The following ENTPD5 variants were observed in gnomAD, a reference collection of about 807,000 sequenced individuals.
ENTPD5 encodes nucleoside diphosphate phosphatase ENTPD5.
Under a neutral mutation model 60.2 loss-of-function variants are expected in ENTPD5, and 49 were observed. That is an observed-to-expected ratio of 0.81 (90% CI 0.65 to 1.03). ENTPD5 has a LOEUF of 1.03. ENTPD5 is among the 50% of genes least tolerant of loss of function. The pLI is 0.00. For synonymous variants in ENTPD5, 187 were observed against 185.4 expected (o/e 1.01, Z -0.07); for missense variants, 480 against 507.6 (o/e 0.95, Z 0.52).
chr14:73,980,511 G>A (rs922587855), intron 6 of ENTPD5, among the ~76,000 whole-genome samples: 6 of 152,094 alleles, frequency 3.9e-5, no homozygotes, highest in South Asian at 2.1e-4. Context: ...TGATCTGCCC[G>A]CCTTGGCCTC....
rs1476395685 is a variant in ENTPD5 at position 73,977,341 on chromosome 14, C to T, written c.475G>A (p.Val159Ile). The T allele has an allele frequency of 6.2e-7, 1 of 1,609,246 alleles. No individual in the cohort carries two copies. Among genetic ancestry groups the T allele is most frequent in the Non-Finnish European group, 8.5e-7 (1 of 1,178,598 alleles). ...KEIFRKSPFL[V>I]PKGSVSIMDG... is the part of the protein sequence containing the mutation. Reference sequence around the variant, plus strand: ...ATGATGCTAACACTGCCCTTTGGTACCAGGAAAGGTGACTTCCTGAAGATC... The same window carrying T: ...ATGATGCTAACACTGCCCTTTGGTATCAGGAAAGGTGACTTCCTGAAGATC... Residue 159 changes from valine to isoleucine, a missense_variant, in exon 7 of 16, where the codon GTA (valine) becomes ATA (isoleucine). Transcript: ENST00000334696.
At chr14:73,961,729 C>A, downstream of ENTPD5, 1 of 1,614,052 alleles carries the variant, frequency 6.2e-7, no homozygotes, top group Non-Finnish European at 8.5e-7. Context: ...CTTTCCTCTG[C>A]CCTTCAGGTT....
intron 3 of ENTPD5, among the ~76,000 whole-genome samples, chr14:73,993,011 T>C (rs1205403600): frequency 6.6e-6 from 1 of 151,916 alleles, no homozygotes; most frequent in Non-Finnish European, 1.5e-5. Flanking sequence ...TCAAAATAAA[T>C]ACATAAAACA....
chr14:73,982,907 G>A, intron 6 of ENTPD5, 111 bp downstream of exon 6: 1 of 1,059,772 alleles, frequency 9.4e-7, no homozygotes. Context: ...CAATGCTTTG[G>A]CAGTGGTGGA....
chr14:74,002,622 C>T (rs1204592426), intron 3 of ENTPD5, among the ~76,000 whole-genome samples: 2 of 152,080 alleles, frequency 1.3e-5, no homozygotes, highest in East Asian at 1.9e-4. Context: ...TTCCAGAATC[C>T]GACCATTTCT....
chr14:73,967,024 A>G lies in ENTPD5; in HGVS notation c.1201-10T>C. 6.2e-7 allele frequency: 1 copy of G among 1,612,298 alleles called. No individual in the cohort carries two copies. Among genetic ancestry groups the G allele is most frequent in the East Asian group, 2.2e-5 (1 of 44,872 alleles). ...TCACTTTCTTTGTGAGCTGTTGAGA[A>G]GAAAAAAAGTCTTCACCTTTTCATC... On this transcript the variant is annotated splice_polypyrimidine_tract_variant and intron_variant, in intron 15 of 15. Transcript: ENST00000334696.
chr14:73,965,248 C>G lies in ENTPD5; in HGVS notation c.*1680G>C, dbSNP rs963654094. On this transcript the variant is annotated 3_prime_UTR_variant, in exon 16 of 16. Coordinates refer to ENST00000334696, the MANE Select transcript of ENTPD5 (RefSeq NM_001249.5). ...ATGGACTGTGTGAGGGCCAGGCATA[C>G]TTAACATCCTTTGTGAGAGAGAGGA... 27 of 152,202 alleles carry G rather than the reference C, an allele frequency of 1.8e-4. No homozygotes were observed. The highest frequency in any genetic ancestry group is 6.5e-4 in the African/African-American group (27 of 41,478). 9.4% of individuals were successfully genotyped at this position (152,202 alleles called of 1,614,324 possible). A position where few individuals can be genotyped will look rare whatever the true frequency, so the allele number is the denominator to read the frequency against.
chr14:73,961,372 T>C (rs747211443), downstream of ENTPD5: 23 of 1,614,080 alleles, frequency 1.4e-5, no homozygotes, highest in East Asian at 2.2e-5. Context: ...GTGGCGCTCA[T>C]TGGGTAAGAC....
At chr14:73,959,655 C>G, downstream of ENTPD5, 1 of 1,502,328 alleles carries the variant, frequency 6.7e-7, no homozygotes, top group Non-Finnish European at 9.0e-7. Context: ...GTGCAATCTC[C>G]GCCTCCCGGG....
chr14:73,981,885 T>C (rs2057706503), intron 6 of ENTPD5, among the ~76,000 whole-genome samples: 1 of 151,524 alleles, frequency 6.6e-6, no homozygotes, highest in Non-Finnish European at 1.5e-5. Flanking sequence ...AAAAGCCAGA[T>C]ATACAAAAAT....
chr14:73,955,903 C>T (rs777243630), downstream of ENTPD5: 6 of 1,614,138 alleles, frequency 3.7e-6, no homozygotes, highest in Non-Finnish European at 5.1e-6. Flanking sequence ...TGCATGCTCT[C>T]ACTAAGCAGT....
At chr14:73,960,484 G>A (rs1566691123), downstream of ENTPD5, 1 of 993,128 alleles carries the variant, frequency 1.0e-6, no homozygotes, top group South Asian at 4.5e-5. Flanking sequence ...AAGAATAAAG[G>A]GAACTGAACA....
rs568628353 is a variant in ENTPD5, at chr14:73,965,192, C to T, written c.*1736G>A. The T allele has an allele frequency of 6.6e-6, 1 of 152,250 alleles. No individual in the cohort carries two copies. The highest frequency in any genetic ancestry group is 2.1e-4 in the South Asian group (1 of 4,828). The allele number at this position is 152,250 out of a possible 1,614,324, so 9.4% of individuals were successfully genotyped here. ...AGCAGATGGTAAATATTTATTGACT[C>T]AATGGAGTAATGTTAAAAATAAGGT... On this transcript the variant is annotated 3_prime_UTR_variant, in exon 16 of 16. Transcript: ENST00000334696.
At position 73,971,376 on chromosome 14, in the gene ENTPD5, T is replaced by C. The variant is rs182229049; in HGVS notation, c.1084+476A>G. 5.5e-4 allele frequency among the ~76,000 whole-genome samples: 84 copies of C among 152,250 alleles called. No individual in the cohort carries two copies. The East Asian group carries it at 0.013, about 23-fold the overall frequency. ...TTTCACCATGTTGGCCAGGCTGTCT[T>C]GAACTCCTGACCTCAGGTGATCCGC... On this transcript the variant is annotated intron_variant, in intron 14 of 15. Transcript: ENST00000334696.
At chr14:73,985,339 C>G (rs1476532635) in intron 5 of ENTPD5, among the ~76,000 whole-genome samples, 1 of 152,174 alleles carries the variant, frequency 6.6e-6, no homozygotes, top group East Asian at 1.9e-4. Flanking sequence ...AATGGTTGAA[C>G]TAGTTTACAG....
At chr14:73,983,238 T>C in intron 5 of ENTPD5, 77 bp from the exon 6 acceptor site, 5 of 1,440,442 alleles carry the variant, frequency 3.5e-6, no homozygotes, top group Non-Finnish European at 4.6e-6. Flanking sequence ...TCAACATACT[T>C]TGTGGGAGCA....
Position 73,987,921 on chromosome 14 carries a change from C to G in ENTPD5, c.182G>C (p.Arg61Pro), listed in dbSNP as rs894228191. 2 of 1,614,136 alleles carry G rather than the reference C, an allele frequency of 1.2e-6. No homozygotes were observed. Among genetic ancestry groups the G allele is most frequent in the Non-Finnish European group, 1.7e-6 (2 of 1,180,024 alleles). Residue 61 changes from arginine (R) to proline (P), a missense_variant, in exon 4 of 16, where the codon CGA becomes CCA. Transcript: ENST00000334696. ...CTGCACAAAGGTGTAAACATGAATT[C>G]GAGTTCCAGTGCTCCCTGCATCAAA... ...IMFDAGSTGT[R>P]IHVYTFVQKM... is the part of the protein sequence containing the mutation.
chr14:74,010,628 G>C (rs2058820774), intron 3 of ENTPD5, among the ~76,000 whole-genome samples: 2 of 151,884 alleles, frequency 1.3e-5, no homozygotes, highest in African/African-American at 4.8e-5. Context: ...TTTATTTATA[G>C]TTCAAAGTCA....
intron 3 of ENTPD5, among the ~76,000 whole-genome samples, chr14:73,994,108 A>G (rs1487257994): frequency 6.6e-6 from 1 of 151,938 alleles, no homozygotes; most frequent in East Asian, 1.9e-4. Flanking sequence ...GGCATTAGGC[A>G]TTGTCTTATT....
Sources: gnomAD v4.1 joint callset for allele counts (sites outside exome capture counted in the v4.1 genomes callset) on GRCh38, gnomAD v4.1.1 for gene constraint, MANE v1.5 for transcripts, NCBI Gene and HGNC (gene_info 2026-07-23, HGNC 2026-07-21) for gene names.